Variants in DAP3 observed in about 807,000 individuals in gnomAD.
The protein encoded by DAP3 is death associated protein 3.
In DAP3, 28 loss-of-function variants were observed where a neutral mutation model predicts 51.9. The ratio of observed to expected loss-of-function variants is 0.54; its 90% CI spans 0.40 to 0.74. The LOEUF is 0.74. Among genes scored for constraint, DAP3 ranks in the 30% least tolerant of loss-of-function variants. The pLI is 0.00. For missense variants in DAP3, 458 were observed against 483.5 expected (o/e 0.95, Z 0.49); for synonymous variants, 170 against 170.3 (o/e 1.00, Z 0.01).
intron 2 of DAP3, among the ~76,000 whole-genome samples, chr1:155,714,461 A>T (rs376713792): frequency 6.6e-6 from 1 of 152,174 alleles, no homozygotes; most frequent in Non-Finnish European, 1.5e-5. Flanking sequence ...AGATAAAGAT[A>T]CAAGTTAAAA....
At chr1:155,714,733 C>T (rs1445619996) in intron 2 of DAP3, among the ~76,000 whole-genome samples, 1 of 151,858 alleles carries the variant, frequency 6.6e-6, no homozygotes, top group African/African-American at 2.4e-5. Context: ...CCAGCCTGGG[C>T]GACAAGAGTG....
intron 1 of DAP3, among the ~76,000 whole-genome samples, chr1:155,702,049 C>T (rs1030708821): frequency 6.7e-6 from 1 of 149,184 alleles, no homozygotes; most frequent in Non-Finnish European, 1.5e-5. Context: ...CAAGTTGACC[C>T]TAACTCTTAA....
intron 1 of DAP3, among the ~76,000 whole-genome samples, chr1:155,705,493 C>T (rs1490867108): frequency 6.7e-6 from 1 of 149,512 alleles, no homozygotes; most frequent in Admixed American, 6.7e-5. Flanking sequence ...TTCCCAGCTA[C>T]TTGAAAGGCT....
intron 1 of DAP3, among the ~76,000 whole-genome samples, chr1:155,708,540 GTTT>G (rs151238139): frequency 0.032 from 3,303 of 103,170 alleles, 14 homozygotes; most frequent in Admixed American, 0.044. Flanking sequence ...TTCTGTTTTT[GTTT>G]TTTTTTTTTT....
chr1:155,689,205 C>A (rs1571394292), intron 1 of DAP3, 31 bp downstream of exon 1: 1 of 706,080 alleles, frequency 1.4e-6, no homozygotes, highest in East Asian at 2.7e-5. Flanking sequence ...GGGTATTGTA[C>A]CGCTGAGGGA....
At chr1:155,707,797 G>C (rs1184288530) in intron 1 of DAP3, among the ~76,000 whole-genome samples, 2 of 151,920 alleles carry the variant, frequency 1.3e-5, no homozygotes, top group African/African-American at 4.8e-5. Context: ...GAAGCTTTTT[G>C]GTTTTGAATT....
At chr1:155,737,747 A>G (rs923300222) in intron 12 of DAP3, among the ~76,000 whole-genome samples, 6 of 151,402 alleles carry the variant, frequency 4.0e-5, no homozygotes, top group Non-Finnish European at 8.8e-5. Flanking sequence ...CAATATAGTG[A>G]GACCCCATCT....
At chr1:155,710,044 A>C (rs1293230012) in intron 2 of DAP3, 6 of 425,762 alleles carry the variant, frequency 1.4e-5, no homozygotes, top group Non-Finnish European at 2.1e-5. Flanking sequence ...ATCTTTATTA[A>C]CTTTATTTCT....
At chr1:155,695,243 A>G (rs1410846784) in intron 1 of DAP3, among the ~76,000 whole-genome samples, 3 of 152,236 alleles carry the variant, frequency 2.0e-5, no homozygotes, top group African/African-American at 2.4e-5. Flanking sequence ...ATATGTATCT[A>G]TGGTCACATG....
Position 155,731,900 on chromosome 1 carries a change from CCTTTTTAA to C in DAP3, c.904-37_904-30del, listed in dbSNP as rs752893543. On this transcript the variant is annotated intron_variant, in intron 10 of 12. Coordinates refer to ENST00000368336, the MANE Select transcript of DAP3 (RefSeq NM_004632.4). ...ACAGATGATTAATGCAGTTTTCCATCCTTTTTAACTTTTTCCAGTTCAGCCTTTTCTCT... is the reference window on the plus strand; with the variant it reads ...ACAGATGATTAATGCAGTTTTCCATCCTTTTTCCAGTTCAGCCTTTTCTCT... 5.8e-6 allele frequency: 9 copies of C among 1,540,330 alleles called. No homozygotes were observed. In the Admixed American group the frequency reaches 1.9e-4, roughly 33 times the overall value.
chr1:155,718,026 T>A (rs982410148), intron 3 of DAP3, among the ~76,000 whole-genome samples: 8 of 152,144 alleles, frequency 5.3e-5, no homozygotes, highest in Non-Finnish European at 1.2e-4. Context: ...ATATAGTCTG[T>A]GTGGAAAGAA....
Position 155,729,338 on chromosome 1 carries a change from C to A in DAP3, c.815C>A (p.Thr272Asn). Residue 272 changes from threonine to asparagine, a missense_variant, in exon 9 of 13, where the codon ACC (threonine) becomes AAC (asparagine). Transcript: ENST00000368336. The part of the protein sequence containing the change: ...VDGINALWGR[T>N]TLKREDKSPI... ...GGAATCAATGCTCTTTGGGGAAGAA[C>A]CACTCTGAAAAGAGAAGATAAAAGC... is the stretch of plus-strand genomic sequence containing the variant. The A allele has an allele frequency of 6.2e-7, 1 of 1,614,098 alleles. No homozygotes were observed. The highest frequency in any genetic ancestry group is 8.5e-7 in the Non-Finnish European group (1 of 1,180,024).
chr1:155,706,475 G>A (rs184445570), intron 1 of DAP3, among the ~76,000 whole-genome samples: 10 of 152,264 alleles, frequency 6.6e-5, no homozygotes, highest in Non-Finnish European at 1.5e-5. Flanking sequence ...TAAAGATTTG[G>A]GTTGTGAAAG....
intron 3 of DAP3, among the ~76,000 whole-genome samples, chr1:155,717,404 A>G (rs982646725): frequency 3.3e-5 from 5 of 152,286 alleles, no homozygotes; most frequent in Middle Eastern, 3.4e-3. Context: ...AGAGTTGTCG[A>G]ATACTCAATA....
intron 1 of DAP3, among the ~76,000 whole-genome samples, chr1:155,692,137 G>A (rs1653906694): frequency 7.1e-6 from 1 of 141,760 alleles, no homozygotes; most frequent in South Asian, 2.1e-4. Flanking sequence ...TTAGCTGGTG[G>A]GAGTGGGCTT....
intron 1 of DAP3, among the ~76,000 whole-genome samples, chr1:155,700,094 G>A (rs530961825): frequency 4.7e-4 from 71 of 152,214 alleles, no homozygotes; most frequent in African/African-American, 1.1e-3. Flanking sequence ...GCACCACCAC[G>A]CCCAGTTAAT....
At chr1:155,719,859 A>C (rs1437074758) in intron 3 of DAP3, among the ~76,000 whole-genome samples, 1 of 151,956 alleles carries the variant, frequency 6.6e-6, no homozygotes, top group African/African-American at 2.4e-5. Flanking sequence ...AAGTTTTTCA[A>C]TTAGCAGTGC....
chr1:155,702,560 G>A (rs1342500645), intron 1 of DAP3, among the ~76,000 whole-genome samples: 2 of 152,210 alleles, frequency 1.3e-5, no homozygotes, highest in African/African-American at 2.4e-5. Flanking sequence ...TTTTGAGTAT[G>A]ATATGAGGTA....
chr1:155,702,760 G>A (rs954770982), intron 1 of DAP3, among the ~76,000 whole-genome samples: 3 of 152,176 alleles, frequency 2.0e-5, no homozygotes, highest in Admixed American at 6.5e-5. Flanking sequence ...CATGAGGTCA[G>A]GAGGTGAAGA....
Sources: allele counts gnomAD v4.1 joint callset (sites outside exome capture counted in the v4.1 genomes callset), GRCh38; gene constraint gnomAD v4.1.1; transcripts MANE v1.5; gene names NCBI Gene and HGNC (gene_info 2026-07-23, HGNC 2026-07-21).